POLR1G: variants seen among roughly 807,000 people sequenced by gnomAD.
POLR1G encodes DNA-directed RNA polymerase I subunit RPA34.
POLR1G carries 9 observed loss-of-function variants against 6.3 expected under a neutral mutation model. The ratio of observed to expected loss-of-function variants is 1.44; its 90% CI spans 0.87 to 2.51. The LOEUF is 2.51. Ranked by LOEUF, POLR1G falls within the 30% of genes most tolerant of loss-of-function variation. The pLI is 0.00. For missense variants in POLR1G, 617 were observed against 632.5 expected (o/e 0.98, Z 0.26); for synonymous variants, 248 against 256.5 (o/e 0.97, Z 0.32).
Position 45,409,853 on chromosome 19 carries a change from ACAAT to A in POLR1G, c.*354_*357del. On this transcript the variant is annotated 3_prime_UTR_variant, in exon 3 of 3. Coordinates refer to ENST00000309424, the MANE Select transcript of POLR1G (RefSeq NM_012099.3). ...CAAGCATTTATCCATTGAGTTACAAACAATCCAGTTACAATCTTTTTAAGTTATT... is the reference window on the plus strand; with the variant it reads ...CAAGCATTTATCCATTGAGTTACAAACCAGTTACAATCTTTTTAAGTTATT... The A allele has an allele frequency of 1.6e-6, 1 of 634,902 alleles. No homozygotes were observed. The highest frequency in any genetic ancestry group is 2.9e-6 in the Non-Finnish European group (1 of 347,492). 39.3% of individuals were successfully genotyped at this position (634,902 alleles called of 1,614,324 possible). A position where few individuals can be genotyped will look rare whatever the true frequency, so the allele number is the denominator to read the frequency against.
intron 2 of POLR1G, 132 bp downstream of exon 2, chr19:45,407,367 TC>T: frequency 2.5e-6 from 2 of 809,784 alleles, no homozygotes; most frequent in Non-Finnish European, 3.9e-6. Flanking sequence ...TGGAAACTAC[TC>T]CTTTACAGAG....
chr19:45,408,310 C>A lies in POLR1G; in HGVS notation c.342C>A (p.Thr114=). The A allele has an allele frequency of 6.2e-7, 1 of 1,611,790 alleles. No individual in the cohort carries two copies. ...CCTGTGCCTCAGCCCCCCAGGGCAC[C>A]CTAAGGATCCTTGAGGGTCCCCAGC... ...GLTCASAPQG[T]LRILEGPQQS... is the part of the protein sequence containing the mutation. Residue 114 remains threonine, a synonymous_variant, in exon 3 of 3, where the codon ACC becomes ACA. Coordinates refer to ENST00000309424, the MANE Select transcript of POLR1G (RefSeq NM_012099.3).
At chr19:45,408,030 G>A in intron 2 of POLR1G, 103 bp from the exon 3 acceptor site, 2 of 1,415,062 alleles carry the variant, frequency 1.4e-6, no homozygotes, top group Non-Finnish European at 1.9e-6. Flanking sequence ...CTCCAGCCTA[G>A]GCAACAGAGC....
In POLR1G at chr19:45,408,381, C is replaced by T. The variant is rs747262811; in HGVS notation, c.413C>T (p.Pro138Leu). ...SPLQPIPASP[P>L]PQIPPGLRPR... Reference sequence around the variant, plus strand: ...CTGCAGCCCATCCCAGCAAGTCCCCCACCACAGATCCCTCCTGGCCTGAGG... The same window carrying T: ...CTGCAGCCCATCCCAGCAAGTCCCCTACCACAGATCCCTCCTGGCCTGAGG... Residue 138 changes from proline (P) to leucine (L), a missense_variant, in exon 3 of 3, where the codon CCA becomes CTA. Physicochemically the swap from Pro to Leu is moderately conservative, Grantham distance 98. Transcript: ENST00000309424. The T allele has an allele frequency of 1.9e-6, 3 of 1,609,922 alleles. No individual in the cohort carries two copies. Among genetic ancestry groups the T allele is most frequent in the East Asian group, 2.2e-5 (1 of 44,784 alleles).
rs778576229 is a variant in POLR1G at position 45,407,128 on chromosome 19, C to G, written c.57C>G (p.Thr19=). 6.2e-7 allele frequency: 1 copy of G among 1,605,974 alleles called. No homozygotes were observed. The highest frequency in any genetic ancestry group is 1.1e-5 in the South Asian group (1 of 89,874). Reference sequence around the variant, plus strand: ...GGTTCTCTTGTCCCCCCAACTTTACCGCGAAGCCCCCAGCCTCAGAGTCCC... The same window carrying G: ...GGTTCTCTTGTCCCCCCAACTTTACGGCGAAGCCCCCAGCCTCAGAGTCCC... ...AARFSCPPNF[T]AKPPASESPR... Residue 19 remains threonine, a synonymous_variant, in exon 2 of 3, where the codon ACC becomes ACG. Coordinates refer to ENST00000309424, the MANE Select transcript of POLR1G (RefSeq NM_012099.3).
rs1362706930 is a variant in POLR1G at position 45,408,742 on chromosome 19, G to C, written c.774G>C (p.Gly258=). ...STTKKRKKPK[G]KETFEPEDKT... is the part of the protein sequence containing the mutation. ...CCAAGAAGAGGAAGAAGCCCAAAGG[G>C]AAAGAAACCTTCGAGCCAGAAGACA... The change falls in exon 3 of 3, where the codon GGG becomes GGC. Residue 258 remains glycine, a synonymous_variant. Transcript: ENST00000309424. 1.2e-6 allele frequency: 2 copies of C among 1,613,878 alleles called. No individual in the cohort carries two copies. Among genetic ancestry groups the C allele is most frequent in the South Asian group, 1.1e-5 (1 of 91,040 alleles).
At chr19:45,407,012 G>C (rs944394165) in intron 1 of POLR1G, 82 bp from the exon 2 acceptor site, 299 of 1,515,586 alleles carry the variant, frequency 2.0e-4, no homozygotes, top group Non-Finnish European at 2.5e-4. Flanking sequence ...ACGAGGTTAA[G>C]ACCAATGGAC....
chr19:45,408,039 G>A (rs1973448463), intron 2 of POLR1G, 94 bp from the exon 3 acceptor site: 5 of 1,433,462 alleles, frequency 3.5e-6, no homozygotes, highest in Non-Finnish European at 4.6e-6. Flanking sequence ...AGGCAACAGA[G>A]CAAGACTCTC....
Position 45,409,689 on chromosome 19 carries a change from A to G in POLR1G, c.*188A>G, listed in dbSNP as rs1158054192. 6 of 1,054,282 alleles carry G rather than the reference A, an allele frequency of 5.7e-6. No individual in the cohort carries two copies. The highest frequency in any genetic ancestry group is 3.1e-5 in the African/African-American group (2 of 64,266). 65.3% of individuals were successfully genotyped at this position (1,054,282 alleles called of 1,614,324 possible). Reference sequence around the variant, plus strand: ...AGCTGGGGTCATCAGGGTACTTTCAAGAAGGGCTCGTGCAGGACATCAAAC... The same window carrying G: ...AGCTGGGGTCATCAGGGTACTTTCAGGAAGGGCTCGTGCAGGACATCAAAC... On this transcript the variant is annotated 3_prime_UTR_variant, in exon 3 of 3. Coordinates refer to ENST00000309424, the MANE Select transcript of POLR1G (RefSeq NM_012099.3).
At chr19:45,407,698 C>T (rs934457740) in intron 2 of POLR1G, 5 of 250,286 alleles carry the variant, frequency 2.0e-5, no homozygotes, top group Non-Finnish European at 3.8e-5. Context: ...AGGCCATAAG[C>T]ATGAACCTTG....
At position 45,409,119 on chromosome 19, in the gene POLR1G, AAAAGAAGACGAAG is replaced by A. The variant is rs1568571162; in HGVS notation, c.1158_1170del (p.Thr387AsnfsTer44). ...GCCCAGGCAGCTCTGGCAGCTCCCA[AAAAGAAGACGAAG>A]AAAGAAAAACAGCAAGATGCCACAG... On this transcript the variant is annotated frameshift_variant, in exon 3 of 3. Transcript: ENST00000309424. LOFTEE classifies it low-confidence loss of function (END_TRUNC). The A allele has an allele frequency of 6.2e-7, 1 of 1,613,254 alleles. No homozygotes were observed. The highest frequency in any genetic ancestry group is 8.5e-7 in the Non-Finnish European group (1 of 1,179,410).
Position 45,408,864 on chromosome 19 carries a change from T to A in POLR1G, c.896T>A (p.Met299Lys). The A allele has an allele frequency of 6.2e-7, 1 of 1,614,022 alleles. No homozygotes were observed. The highest frequency in any genetic ancestry group is 1.1e-5 in the South Asian group (1 of 91,074). ...AAGAGGCAAAAGGGGACGGAAGGGA[T>A]GGAGCCAGAGGAGGGGGTGACAGTT... ...KRKRQKGTEGMEPEEGVTVES... is the reference protein window; with the variant it reads ...KRKRQKGTEGKEPEEGVTVES... Residue 299 changes from methionine (M) to lysine (K), a missense_variant, in exon 3 of 3, where the codon ATG becomes AAG. By Grantham distance (95) the Met-to-Lys change is moderately conservative. Transcript: ENST00000309424.
In POLR1G at chr19:45,410,033, A is replaced by G. The variant is rs767568886; in HGVS notation, c.*532A>G. 100 of 162,566 alleles carry G rather than the reference A, an allele frequency of 6.2e-4. No homozygotes were observed. The highest frequency in any genetic ancestry group is 1.1e-3 in the Non-Finnish European group (85 of 77,176). 10.1% of individuals were successfully genotyped at this position (162,566 alleles called of 1,614,324 possible). A position where few individuals can be genotyped will look rare whatever the true frequency, so the allele number is the denominator to read the frequency against. On this transcript the variant is annotated 3_prime_UTR_variant, in exon 3 of 3. Coordinates refer to ENST00000309424, the MANE Select transcript of POLR1G (RefSeq NM_012099.3). ...CAGCCTCCTGAGTAGCTGGGACTAC[A>G]GGCCCCTGCCCAGCTAATTTTTTGT... is the stretch of plus-strand genomic sequence containing the variant.
rs1973560522 is a variant in POLR1G at position 45,409,584 on chromosome 19, C to T, written c.*83C>T. 6.3e-7 allele frequency: 1 copy of T among 1,576,572 alleles called. No homozygotes were observed. Among genetic ancestry groups the T allele is most frequent in the Admixed American group, 1.9e-5 (1 of 53,300 alleles). The stretch of plus-strand genomic sequence containing the variant: ...AGAAGGTGACACCCCCAGAATCCCT[C>T]CCCAGAGACTGCACCAGCGCAGCCA... On this transcript the variant is annotated 3_prime_UTR_variant, in exon 3 of 3. Coordinates refer to ENST00000309424, the MANE Select transcript of POLR1G (RefSeq NM_012099.3).
rs769283749 is a variant in POLR1G at position 45,408,706 on chromosome 19, C to G, written c.738C>G (p.Phe246Leu). Residue 246 changes from phenylalanine (F) to leucine (L), a missense_variant, in exon 3 of 3, where the codon TTC becomes TTG. Transcript: ENST00000309424. The part of the protein sequence containing the change: ...VETLEPLGVL[F>L]PSTTKKRKKP... ...CACTGGAGCCTCTGGGAGTGCTGTT[C>G]CCGTCCACCACCAAGAAGAGGAAGA... is the stretch of plus-strand genomic sequence containing the variant. The G allele has an allele frequency of 6.2e-7, 1 of 1,613,758 alleles. No homozygotes were observed. Among genetic ancestry groups the G allele is most frequent in the Admixed American group, 1.7e-5 (1 of 59,988 alleles).
Position 45,410,385 on chromosome 19 carries a change from A to G in POLR1G, c.*884A>G, listed in dbSNP as rs1973642424. On this transcript the variant is annotated 3_prime_UTR_variant, in exon 3 of 3. Transcript: ENST00000309424. The stretch of plus-strand genomic sequence containing the variant: ...TTTTAGTAGAGACAGGGGTTTCACC[A>G]TATTGGCCAGGCTGGTCTCGAACTC... 6.6e-6 allele frequency: 1 copy of G among 152,092 alleles called. No homozygotes were observed. The highest frequency in any genetic ancestry group is 2.1e-4 in the South Asian group (1 of 4,826). 9.4% of individuals were successfully genotyped at this position (152,092 alleles called of 1,614,324 possible).
chr19:45,408,600 G>C lies in POLR1G; in HGVS notation c.632G>C (p.Arg211Pro). Residue 211 changes from arginine to proline, a missense_variant, in exon 3 of 3, where the codon CGG (arginine) becomes CCG (proline). Coordinates refer to ENST00000309424, the MANE Select transcript of POLR1G (RefSeq NM_012099.3). ...TTGGGGTCGCCAGAAATGGATGTGC[G>C]GAAGAAGAAGAAGAAAAAAAATCAG... ...MALGSPEMDV[R>P]KKKKKKNQQL... The C allele has an allele frequency of 6.2e-7, 1 of 1,613,716 alleles. No homozygotes were observed. Among genetic ancestry groups the C allele is most frequent in the Non-Finnish European group, 8.5e-7 (1 of 1,180,016 alleles).
chr19:45,408,052 A>G, intron 2 of POLR1G, 81 bp from the exon 3 acceptor site: 7 of 1,365,458 alleles, frequency 5.1e-6, no homozygotes, highest in Non-Finnish European at 6.6e-6. Context: ...AGACTCTCTC[A>G]AAAAAAAACA....
chr19:45,409,245 A>C lies in POLR1G; in HGVS notation c.1277A>C (p.Lys426Thr). 1 of 1,613,786 alleles carries C rather than the reference A, an allele frequency of 6.2e-7. No homozygotes were observed. Among genetic ancestry groups the C allele is most frequent in the Non-Finnish European group, 8.5e-7 (1 of 1,179,784 alleles). ...CCCACATCCACCAAGAAGAAGAAGA[A>C]GAAGAAAGAGAGAGGTCACACAGTG... ...AAPTSTKKKK[K>T]KKERGHTVTE... Residue 426 changes from lysine (K) to threonine (T), a missense_variant, in exon 3 of 3, where the codon AAG (lysine) becomes ACG (threonine). Transcript: ENST00000309424.
Sources: allele counts gnomAD v4.1 joint callset, GRCh38; gene constraint gnomAD v4.1.1; transcripts MANE v1.5; gene names NCBI Gene and HGNC (gene_info 2026-07-23, HGNC 2026-07-21).